The following GRIA4 variants were observed in gnomAD, a reference collection of about 807,000 sequenced individuals.
GRIA4 encodes glutamate receptor 4.
GRIA4 carries 34 observed loss-of-function variants against 104.0 expected under a neutral mutation model. That is an observed-to-expected ratio of 0.33 (90% CI 0.25 to 0.44). The LOEUF (loss-of-function observed/expected upper bound fraction) is 0.44. Among genes scored for constraint, GRIA4 ranks in the 20% least tolerant of loss-of-function variants. The pLI is 1.00. For synonymous variants in GRIA4, 386 were observed against 381.9 expected, an observed-to-expected ratio of 1.01 and a Z score of -0.13; for missense variants, 750 against 1,096.5, an observed-to-expected ratio of 0.68 and a Z score of 4.46.
chr11:105,924,314 G>C (rs1947648568), intron 11 of GRIA4, 85 bp from the exon 12 acceptor site: 8 of 981,074 alleles, frequency 8.2e-6, no homozygotes, highest in Middle Eastern at 5.1e-4. Flanking sequence ...CGCATGACTG[G>C]TTAGCTTTAA....
intron 3 of GRIA4, among the ~76,000 whole-genome samples, chr11:105,711,915 A>G (rs1953925494): frequency 6.6e-6 from 1 of 152,148 alleles, no homozygotes; most frequent in Non-Finnish European, 1.5e-5. Context: ...GGAAATGTGA[A>G]TACCACAACA....
intron 3 of GRIA4, among the ~76,000 whole-genome samples, chr11:105,729,568 C>A (rs1033721514): frequency 1.3e-5 from 2 of 152,120 alleles, no homozygotes; most frequent in African/African-American, 4.8e-5. Context: ...AAGAAAATTT[C>A]AGGCCAATAT....
chr11:105,739,174 A>AT (rs1006406813), intron 3 of GRIA4, among the ~76,000 whole-genome samples: 16 of 152,276 alleles, frequency 1.1e-4, no homozygotes, highest in Non-Finnish European at 1.9e-4. Flanking sequence ...CGTGCTGAGT[A>AT]TTGCAAATAG....
At chr11:105,951,733 G>A (rs896789755) in intron 14 of GRIA4, among the ~76,000 whole-genome samples, 4 of 152,014 alleles carry the variant, frequency 2.6e-5, no homozygotes, top group African/African-American at 9.7e-5. Flanking sequence ...CCAGGCAGGT[G>A]GATCGCTTCA....
intron 3 of GRIA4, among the ~76,000 whole-genome samples, chr11:105,623,023 T>C (rs1429007241): frequency 6.7e-6 from 1 of 149,002 alleles, no homozygotes; most frequent in Non-Finnish European, 1.5e-5. Context: ...CACAATTTCA[T>C]TCTTTTTTAT....
chr11:105,732,064 A>G (rs1329537598), intron 3 of GRIA4, among the ~76,000 whole-genome samples: 2 of 152,154 alleles, frequency 1.3e-5, no homozygotes, highest in African/African-American at 2.4e-5. Context: ...GAAGCACAGA[A>G]GAGGACTCTA....
chr11:105,752,373 T>C (rs1591193422), intron 3 of GRIA4, among the ~76,000 whole-genome samples: 1 of 152,256 alleles, frequency 6.6e-6, no homozygotes, highest in Admixed American at 6.5e-5. Flanking sequence ...AATGACTTTC[T>C]AGCAGCCTAA....
chr11:105,725,009 C>G (rs987196554), intron 3 of GRIA4, among the ~76,000 whole-genome samples: 1 of 152,114 alleles, frequency 6.6e-6, no homozygotes, highest in Non-Finnish European at 1.5e-5. Context: ...CTACTTAGTC[C>G]TGTGAGCTTG....
At chr11:105,690,924 C>T (rs1953061643) in intron 3 of GRIA4, among the ~76,000 whole-genome samples, 1 of 152,044 alleles carries the variant, frequency 6.6e-6, no homozygotes, top group Non-Finnish European at 1.5e-5. Flanking sequence ...TTTCTTCTTC[C>T]TCTGAATGAA....
intron 11 of GRIA4, among the ~76,000 whole-genome samples, chr11:105,922,562 T>C (rs1266355427): frequency 6.6e-6 from 1 of 152,152 alleles, no homozygotes; most frequent in Non-Finnish European, 1.5e-5. Flanking sequence ...ACTTAATAAA[T>C]GATTGAGTAC....
chr11:105,900,676 C>T (rs1946822818), intron 7 of GRIA4, among the ~76,000 whole-genome samples: 1 of 152,162 alleles, frequency 6.6e-6, no homozygotes, highest in Non-Finnish European at 1.5e-5. Context: ...GCAACTTCCA[C>T]CTCCTGCGTT....
At position 105,933,719 on chromosome 11, in the gene GRIA4, C is replaced by T; in HGVS notation, c.2047-3C>T. 6.4e-7 allele frequency: 1 copy of T among 1,557,836 alleles called. No homozygotes were observed. Among genetic ancestry groups the T allele is most frequent in the South Asian group, 1.2e-5 (1 of 85,492 alleles). ...TATTTAATTTTATTTTAATTTCCTC[C>T]AGAGATCAAAAATAGCAGTGTATGA... On this transcript the variant is annotated splice_polypyrimidine_tract_variant and splice_region_variant and intron_variant, in intron 13 of 16. Transcript: ENST00000282499.
intron 4 of GRIA4, among the ~76,000 whole-genome samples, chr11:105,804,500 T>C (rs1040257129): frequency 6.6e-6 from 1 of 151,786 alleles, no homozygotes; most frequent in Non-Finnish European, 1.5e-5. Context: ...GAAAAAGAGA[T>C]AAAATGAATT....
At chr11:105,748,608 C>T (rs1939810720) in intron 3 of GRIA4, among the ~76,000 whole-genome samples, 1 of 152,076 alleles carries the variant, frequency 6.6e-6, no homozygotes, top group Admixed American at 6.6e-5. Flanking sequence ...TGGTCTCAAC[C>T]TCCTGATCTC....
intron 11 of GRIA4, among the ~76,000 whole-genome samples, chr11:105,923,049 C>T (rs920086370): frequency 2.6e-5 from 4 of 152,040 alleles, no homozygotes; most frequent in African/African-American, 9.7e-5. Flanking sequence ...CTAAAACGTG[C>T]CTTCCCCATT....
chr11:105,778,534 G>A (rs1203228133), intron 4 of GRIA4, among the ~76,000 whole-genome samples: 2 of 152,082 alleles, frequency 1.3e-5, no homozygotes, highest in Admixed American at 1.3e-4. Context: ...GTGAAACCCC[G>A]TTTCTATTAA....
At chr11:105,661,821 TA>T (rs1257089161) in intron 3 of GRIA4, among the ~76,000 whole-genome samples, 1 of 151,830 alleles carries the variant, frequency 6.6e-6, no homozygotes, top group East Asian at 1.9e-4. Context: ...TAGAGAAAGA[TA>T]GGCAAGAGAT....
chr11:105,813,769 T>G (rs547951116), intron 4 of GRIA4, among the ~76,000 whole-genome samples: 2 of 152,270 alleles, frequency 1.3e-5, no homozygotes, highest in East Asian at 1.9e-4. Context: ...GCCTAATATG[T>G]GCTTGGCTGT....
At chr11:105,755,690 G>A (rs1940265213) in intron 4 of GRIA4, among the ~76,000 whole-genome samples, 2 of 152,228 alleles carry the variant, frequency 1.3e-5, no homozygotes, top group Admixed American at 6.5e-5. Context: ...AGCACTTGAA[G>A]TGGTAGACTG....
Sources: gnomAD v4.1 joint callset for allele counts (sites outside exome capture counted in the v4.1 genomes callset) on GRCh38, gnomAD v4.1.1 for gene constraint, MANE v1.5 for transcripts, NCBI Gene and HGNC (gene_info 2026-07-23, HGNC 2026-07-21) for gene names.